SPATA7: variants seen among roughly 807,000 people sequenced by gnomAD.
The protein encoded by SPATA7 is spermatogenesis-associated protein 7.
In SPATA7, 43 loss-of-function variants were observed where a neutral mutation model predicts 51.8. That is an observed-to-expected ratio of 0.83 (90% CI 0.65 to 1.07). SPATA7 has a LOEUF of 1.07. Ranked by LOEUF, SPATA7 falls within the 50% of genes least tolerant of loss-of-function variation. The probability of loss-of-function intolerance (pLI) is 0.00; values close to 1 mark genes in which losing one functional copy is unlikely to be tolerated. For missense variants in SPATA7, 683 were observed against 701.3 expected (o/e 0.97, Z 0.30); for synonymous variants, 230 against 252.8 (o/e 0.91, Z 0.86).
At chr14:88,460,748 G>A (rs1432977319) in intron 4 of SPATA7, among the ~76,000 whole-genome samples, 1 of 152,200 alleles carries the variant, frequency 6.6e-6, no homozygotes, top group Non-Finnish European at 1.5e-5. Context: ...TCCGTTGCTG[G>A]TAAGGAGCTG....
Position 88,469,845 on chromosome 14 carries a change from A to C in SPATA7, c.255-2A>C. ...AACCCTACCCTGCCTTTTTCTCCAC[A>C]GGTCAGGATTCCAGATGATTAACAT... On this transcript the variant is annotated splice_acceptor_variant, in intron 4 of 4. Coordinates refer to the SPATA7 transcript ENST00000556406. LOFTEE classifies it high-confidence loss of function. The surrounding 1 kb of genome is among the most constrained non-coding windows in gnomAD (Gnocchi z 4.3). The C allele has an allele frequency of 6.2e-7, 1 of 1,607,940 alleles. No individual in the cohort carries two copies. Among genetic ancestry groups the C allele is most frequent in the Non-Finnish European group, 8.5e-7 (1 of 1,174,608 alleles).
chr14:88,407,782 GT>G (rs1394689788), intron 4 of SPATA7, among the ~76,000 whole-genome samples: 1 of 152,122 alleles, frequency 6.6e-6, no homozygotes, highest in African/African-American at 2.4e-5. Flanking sequence ...GTTAATTTTT[GT>G]ATAAGGTGTA....
At chr14:88,400,945 C>G (rs1237137796) in intron 4 of SPATA7, among the ~76,000 whole-genome samples, 1 of 152,122 alleles carries the variant, frequency 6.6e-6, no homozygotes, top group Non-Finnish European at 1.5e-5. Context: ...AGCACCAGTC[C>G]TTCTTAAACT....
rs776112650 is a variant in SPATA7, at chr14:88,470,077, T to G, written c.*210T>G. The G allele has an allele frequency of 1.5e-5, 24 of 1,606,594 alleles. No homozygotes were observed. In the Admixed American group the frequency reaches 3.8e-4, roughly 26 times the overall value. ...TGGGATTAGAAAAGGTTAAAAAAAT[T>G]GATGTGTGGGTATAATATACATAGG... On this transcript the variant is annotated 3_prime_UTR_variant, in exon 5 of 5. Coordinates refer to the SPATA7 transcript ENST00000556406.
exon 4 of SPATA7, chr14:88,455,133 A>G (rs2077276087): frequency 2.2e-6 from 1 of 455,728 alleles, no homozygotes; most frequent in African/African-American, 2.0e-5. Flanking sequence ...AACAAATAGC[A>G]TATGTTCTAC....
At chr14:88,434,081 G>A (rs1208772310) in intron 10 of SPATA7, among the ~76,000 whole-genome samples, 4 of 152,018 alleles carry the variant, frequency 2.6e-5, no homozygotes, top group Admixed American at 6.6e-5. Flanking sequence ...CTGCTGAATC[G>A]TGCACTTAAA....
chr14:88,402,537 G>A (rs73321858), intron 4 of SPATA7, among the ~76,000 whole-genome samples: 5,365 of 152,228 alleles, frequency 0.035, 313 homozygotes, highest in African/African-American at 0.12. Context: ...AACACACACA[G>A]TGGGGAAAGG....
chr14:88,465,920 TTTAC>T (rs1338488857), intron 4 of SPATA7: 8 of 151,350 alleles, frequency 5.3e-5, no homozygotes, highest in African/African-American at 2.0e-4. Flanking sequence ...CCCTCAGAAG[TTTAC>T]TTATCAAATT....
intron 10 of SPATA7, among the ~76,000 whole-genome samples, chr14:88,435,737 CATATT>C (rs998208895): frequency 6.6e-6 from 1 of 152,118 alleles, no homozygotes; most frequent in African/African-American, 2.4e-5. Context: ...CAGTTCCGTC[CATATT>C]GTTGCAGATG....
At chr14:88,429,885 A>G (rs185411869) in intron 8 of SPATA7, among the ~76,000 whole-genome samples, 105 of 56,472 alleles carry the variant, frequency 1.9e-3, no homozygotes, top group Non-Finnish European at 4.0e-3. Context: ...TGCTATATGA[A>G]GACACTATTT....
chr14:88,442,078 C>T (rs942248770), downstream of SPATA7, among the ~76,000 whole-genome samples: 1 of 152,172 alleles, frequency 6.6e-6, no homozygotes, highest in Non-Finnish European at 1.5e-5. Context: ...ATTGTCCCAG[C>T]ACCATTTGTT....
At chr14:88,395,783 A>G (rs934366877) in intron 3 of SPATA7, among the ~76,000 whole-genome samples, 5 of 152,198 alleles carry the variant, frequency 3.3e-5, no homozygotes, top group African/African-American at 1.2e-4. Context: ...CTATATGTCT[A>G]TCTTTAAGCC....
chr14:88,404,417 G>C (rs1440899317), intron 4 of SPATA7, among the ~76,000 whole-genome samples: 2 of 152,132 alleles, frequency 1.3e-5, no homozygotes, highest in Admixed American at 6.5e-5. Context: ...GCCCTACTAA[G>C]TATTTAAAAG....
Position 88,385,708 on chromosome 14 carries a change from G to C in SPATA7, c.-111G>C. The C allele has an allele frequency of 9.5e-7, 1 of 1,056,190 alleles. No homozygotes were observed. The highest frequency in any genetic ancestry group is 2.0e-5 in the Admixed American group (1 of 50,464). 65.4% of individuals were successfully genotyped at this position (1,056,190 alleles called of 1,614,324 possible). A position where few individuals can be genotyped will look rare whatever the true frequency, so the allele number is the denominator to read the frequency against. On this transcript the variant is annotated 5_prime_UTR_variant, in exon 1 of 12. Coordinates refer to ENST00000393545, the MANE Select transcript of SPATA7 (RefSeq NM_018418.5). ...TGGCAACGGTTTCCCTGCTGCTGCA[G>C]CCCCCGTCGGCTCCTCTTTTCCAGT...
At chr14:88,436,185 A>G (rs1430136070) in intron 10 of SPATA7, among the ~76,000 whole-genome samples, 1 of 152,084 alleles carries the variant, frequency 6.6e-6, no homozygotes, top group Non-Finnish European at 1.5e-5. Context: ...ATACCTTTTC[A>G]TATTCCTGTC....
intron 3 of SPATA7, among the ~76,000 whole-genome samples, chr14:88,446,553 C>G (rs907541840): frequency 2.0e-5 from 3 of 151,250 alleles, no homozygotes; most frequent in Non-Finnish European, 4.4e-5. Context: ...TCTTGCTTTT[C>G]TAGTTCTTTT....
intron 3 of SPATA7, among the ~76,000 whole-genome samples, chr14:88,452,201 A>G (rs1054175339): frequency 2.0e-4 from 31 of 152,118 alleles, no homozygotes; most frequent in Admixed American, 1.2e-3. Flanking sequence ...TTCTGGATCT[A>G]GTCACCCAGC....
downstream of SPATA7, among the ~76,000 whole-genome samples, chr14:88,458,524 A>G (rs2077299108): frequency 6.6e-6 from 1 of 152,198 alleles, no homozygotes; most frequent in African/African-American, 2.4e-5. Flanking sequence ...AGATGTTTAT[A>G]GTATTCTCTG....
At chr14:88,459,813 T>C (rs551407900), downstream of SPATA7, among the ~76,000 whole-genome samples, 3 of 152,366 alleles carry the variant, frequency 2.0e-5, no homozygotes, top group East Asian at 3.9e-4. Context: ...CTAGCATTGA[T>C]GGTCTTTACA....
Sources: allele counts gnomAD v4.1 joint callset (sites outside exome capture counted in the v4.1 genomes callset), GRCh38; gene constraint gnomAD v4.1.1; non-coding constraint Gnocchi (gnomAD v3.1); transcripts MANE v1.5; gene names NCBI Gene and HGNC (gene_info 2026-07-23, HGNC 2026-07-21).